The following TBC1D32 variants were observed in gnomAD, a reference collection of about 807,000 sequenced individuals.
The protein encoded by TBC1D32 is protein broad-minded.
TBC1D32 carries 151 observed loss-of-function variants against 170.3 expected under a neutral mutation model. The ratio of observed to expected loss-of-function variants is 0.89; its 90% confidence interval spans 0.78 to 1.01. TBC1D32 has a LOEUF of 1.01. TBC1D32 is among the 50% of genes least tolerant of loss of function. The pLI, the probability that TBC1D32 is intolerant of heterozygous loss-of-function variation, is 0.00. For missense variants in TBC1D32, 1,464 were observed against 1,457.1 expected (o/e 1.00, Z -0.08); for synonymous variants, 498 against 488.0 (o/e 1.02, Z -0.27).
intron 24 of TBC1D32, among the ~76,000 whole-genome samples, chr6:121,139,586 T>A (rs965730709): frequency 6.6e-6 from 1 of 152,096 alleles, no homozygotes; most frequent in East Asian, 1.9e-4. Flanking sequence ...AAAATCAGTA[T>A]AGATTAATGA....
chr6:121,122,488 T>C (rs1444085422), intron 26 of TBC1D32, among the ~76,000 whole-genome samples: 2 of 151,932 alleles, frequency 1.3e-5, no homozygotes, highest in Non-Finnish European at 2.9e-5. Flanking sequence ...TTTGTGGCCA[T>C]TTGTTAGCAC....
chr6:121,222,596 T>G (rs1794650574), intron 21 of TBC1D32, among the ~76,000 whole-genome samples: 1 of 151,648 alleles, frequency 6.6e-6, no homozygotes, highest in African/African-American at 2.4e-5. Context: ...AAATATCACA[T>G]AGGACAAAGC....
chr6:121,174,851 C>CA (rs1381124003), intron 22 of TBC1D32, among the ~76,000 whole-genome samples: 2 of 151,832 alleles, frequency 1.3e-5, no homozygotes, highest in African/African-American at 4.8e-5. Context: ...GGCAACATAG[C>CA]AAAACCTGTC....
At chr6:121,081,149 C>T (rs1775609317) in intron 31 of TBC1D32, among the ~76,000 whole-genome samples, 1 of 152,032 alleles carries the variant, frequency 6.6e-6, no homozygotes, top group Non-Finnish European at 1.5e-5. Flanking sequence ...AAAACAAAAG[C>T]AGATAAGGAA....
intron 24 of TBC1D32, among the ~76,000 whole-genome samples, chr6:121,135,636 T>C (rs1781967810): frequency 6.6e-6 from 1 of 152,166 alleles, no homozygotes; most frequent in Non-Finnish European, 1.5e-5. Flanking sequence ...ACTGGCTAAC[T>C]ATTTGTCAAG....
chr6:121,260,185 G>A (rs981294496), intron 15 of TBC1D32, among the ~76,000 whole-genome samples: 3 of 152,016 alleles, frequency 2.0e-5, no homozygotes, highest in East Asian at 1.9e-4. Flanking sequence ...TTCTTGTATC[G>A]TTTCCAAGCA....
intron 9 of TBC1D32, among the ~76,000 whole-genome samples, chr6:121,302,212 T>C (rs1379985830): frequency 6.6e-6 from 1 of 152,154 alleles, no homozygotes. Flanking sequence ...AAAAATTCAC[T>C]GGAACAGTCA....
chr6:121,104,205 A>C (rs550996537), intron 30 of TBC1D32, among the ~76,000 whole-genome samples: 1 of 151,790 alleles, frequency 6.6e-6, no homozygotes, highest in Non-Finnish European at 1.5e-5. Context: ...CTATAGGATA[A>C]ATCTAAGGAA....
intron 24 of TBC1D32, among the ~76,000 whole-genome samples, chr6:121,136,406 C>T (rs765878573): frequency 6.6e-6 from 1 of 152,070 alleles, no homozygotes; most frequent in African/African-American, 2.4e-5. Flanking sequence ...TGGTTTTGCT[C>T]CCCAGGGAAC....
At chr6:121,244,592 ACTTTTT>A (rs1249395040) in intron 17 of TBC1D32, among the ~76,000 whole-genome samples, 2 of 152,080 alleles carry the variant, frequency 1.3e-5, no homozygotes, top group African/African-American at 4.8e-5. Context: ...ATGATTTGTC[ACTTTTT>A]CATTTTTATT....
chr6:121,328,633 T>C (rs1269588643), intron 1 of TBC1D32, among the ~76,000 whole-genome samples: 1 of 152,174 alleles, frequency 6.6e-6, no homozygotes, highest in African/African-American at 2.4e-5. Context: ...AGTTTATAAT[T>C]GCTATACTTC....
intron 15 of TBC1D32, among the ~76,000 whole-genome samples, chr6:121,269,108 G>A (rs1800975276): frequency 6.6e-6 from 1 of 152,098 alleles, no homozygotes; most frequent in African/African-American, 2.4e-5. Flanking sequence ...AGCTGCTGAA[G>A]GAAGCACTAA....
Position 121,241,457 on chromosome 6 carries a change from A to G in TBC1D32, c.2245+8T>C. 1.9e-6 allele frequency: 3 copies of G among 1,608,558 alleles called. No individual in the cohort carries two copies. Among genetic ancestry groups the G allele is most frequent in the Non-Finnish European group, 2.5e-6 (3 of 1,176,806 alleles). On this transcript the variant is annotated splice_region_variant and intron_variant, in intron 19 of 31. Transcript: ENST00000398212. Reference sequence around the variant, plus strand: ...TAATTATAATTCTAATGAAAAGAAAACATTTACCTGACTTTTTTAGTGCAA... The same window carrying G: ...TAATTATAATTCTAATGAAAAGAAAGCATTTACCTGACTTTTTTAGTGCAA...
At chr6:121,249,934 A>G (rs1798079393) in intron 17 of TBC1D32, among the ~76,000 whole-genome samples, 1 of 152,044 alleles carries the variant, frequency 6.6e-6, no homozygotes, top group Non-Finnish European at 1.5e-5. Context: ...ATTCAATGCA[A>G]TTCCCATAAA....
At chr6:121,107,435 A>G (rs1778802216) in intron 29 of TBC1D32, among the ~76,000 whole-genome samples, 1 of 151,880 alleles carries the variant, frequency 6.6e-6, no homozygotes, top group African/African-American at 2.4e-5. Flanking sequence ...TCCAGGAGAT[A>G]CCTCACAGCA....
rs571134109 is a variant in TBC1D32, at chr6:121,318,303, G to A, written c.318-631C>T. Reference sequence around the variant, plus strand: ...TTGGATAATATTTAAAATCTCTTTCGGAAGGTCTAAAAATCTCAAAAAGAA... The same window carrying A: ...TTGGATAATATTTAAAATCTCTTTCAGAAGGTCTAAAAATCTCAAAAAGAA... On this transcript the variant is annotated intron_variant, in intron 2 of 31. Coordinates refer to ENST00000398212, the MANE Select transcript of TBC1D32 (RefSeq NM_152730.6). Among the ~76,000 whole-genome samples, 28 of 152,060 alleles carry A rather than the reference G, an allele frequency of 1.8e-4. No individual in the cohort carries two copies. The East Asian group carries it at 3.7e-3, about 20-fold the overall frequency.
intron 30 of TBC1D32, among the ~76,000 whole-genome samples, chr6:121,092,225 A>T (rs183832423): frequency 6.9e-6 from 1 of 144,510 alleles, no homozygotes; most frequent in African/African-American, 2.6e-5. Flanking sequence ...TTCATTTATG[A>T]TTTACAAATT....
intron 19 of TBC1D32, among the ~76,000 whole-genome samples, chr6:121,240,660 G>A (rs966906766): frequency 2.9e-4 from 44 of 151,572 alleles, no homozygotes; most frequent in East Asian, 2.3e-3. Context: ...AGGCCAAGGC[G>A]GGCGAATCAC....
At chr6:121,123,854 G>T (rs1780544570) in intron 26 of TBC1D32, among the ~76,000 whole-genome samples, 2 of 148,962 alleles carry the variant, frequency 1.3e-5, no homozygotes, top group Non-Finnish European at 1.5e-5. Flanking sequence ...TATTTTTTTT[G>T]GGTATCTATT....
Sources: gnomAD v4.1 joint callset for allele counts (sites outside exome capture counted in the v4.1 genomes callset) on GRCh38, gnomAD v4.1.1 for gene constraint, MANE v1.5 for transcripts, NCBI Gene and HGNC (gene_info 2026-07-23, HGNC 2026-07-21) for gene names.